Variants in NBR1 observed in about 807,000 individuals in gnomAD.
The protein encoded by NBR1 is NBR1 autophagy cargo receptor.
NBR1 carries 59 observed loss-of-function variants against 115.5 expected under a neutral mutation model. The observed-to-expected ratio is 0.51, with a 90% CI of 0.41 to 0.63. The LOEUF is 0.63. Ranked by LOEUF, NBR1 falls within the 30% of genes least tolerant of loss-of-function variation. The pLI is 0.00. For missense variants in NBR1, 1,043 were observed against 1,150.5 expected (o/e 0.91, Z 1.35); for synonymous variants, 373 against 414.7 (o/e 0.90, Z 1.22).
chr17:43,184,764 C>A (rs1024184358), intron 5 of NBR1, among the ~76,000 whole-genome samples: 8 of 151,848 alleles, frequency 5.3e-5, no homozygotes, highest in Non-Finnish European at 4.4e-5. Context: ...TTTTTGGAAA[C>A]CTGAGTTAAG....
At position 43,186,331 on chromosome 17, in the gene NBR1, G is replaced by C. The variant is rs374861614; in HGVS notation, c.289G>C (p.Val97Leu). Reference protein sequence around the residue: ...HVVDEAPPPVVGAKRLAARAG... With the variant: ...HVVDEAPPPVLGAKRLAARAG... ...CGTTGATGAAGCCCCACCCCCAGTT[G>C]TAGGAGCAAAACGACTAGCTGCCAG... is the stretch of plus-strand genomic sequence containing the variant. The change falls in exon 6 of 21, where the codon GTA becomes CTA. Residue 97 changes from valine (V) to leucine (L), a missense_variant. Coordinates refer to ENST00000590996, the MANE Select transcript of NBR1 (RefSeq NM_005899.5). The C allele has an allele frequency of 6.9e-6, 11 of 1,595,596 alleles. No homozygotes were observed. The highest frequency in any genetic ancestry group is 9.4e-6 in the Non-Finnish European group (11 of 1,171,006).
chr17:43,193,337 G>T lies in NBR1; in HGVS notation c.1234-11G>T. On this transcript the variant is annotated splice_polypyrimidine_tract_variant and intron_variant, in intron 11 of 20. Coordinates refer to ENST00000590996, the MANE Select transcript of NBR1 (RefSeq NM_005899.5). Reference sequence around the variant, plus strand: ...GACAAGCTTGCTTTCTCTTCTTACTGTTCTTTTCAGCTCAAGTTCATGTGG... The same window carrying T: ...GACAAGCTTGCTTTCTCTTCTTACTTTTCTTTTCAGCTCAAGTTCATGTGG... 6.2e-7 allele frequency: 1 copy of T among 1,613,128 alleles called. No individual in the cohort carries two copies. Among genetic ancestry groups the T allele is most frequent in the South Asian group, 1.1e-5 (1 of 91,082 alleles).
intron 19 of NBR1, 77 bp from the exon 20 acceptor site, chr17:43,203,604 G>T (rs2057250429): frequency 1.0e-5 from 9 of 868,716 alleles, no homozygotes; most frequent in Non-Finnish European, 1.6e-5. Context: ...TTATTCCAAG[G>T]ATTAGAGCCC....
intron 6 of NBR1, among the ~76,000 whole-genome samples, chr17:43,187,619 C>A (rs2056847908): frequency 6.7e-6 from 1 of 149,400 alleles, no homozygotes; most frequent in Admixed American, 6.8e-5. Context: ...CGTGATTCTC[C>A]TGCCTCAGCC....
At chr17:43,184,923 T>A (rs1450853852) in intron 5 of NBR1, among the ~76,000 whole-genome samples, 2 of 151,616 alleles carry the variant, frequency 1.3e-5, no homozygotes, top group Non-Finnish European at 2.9e-5. Flanking sequence ...ACCCCATCTC[T>A]ACTAAAAATA....
At chr17:43,184,358 C>A (rs930718737) in intron 5 of NBR1, among the ~76,000 whole-genome samples, 4 of 92,978 alleles carry the variant, frequency 4.3e-5, no homozygotes, top group Non-Finnish European at 9.9e-5. Context: ...CTCTCATCGC[C>A]CCAAAATACT....
chr17:43,184,392 G>A lies in NBR1; in HGVS notation c.208-1858G>A, dbSNP rs1425255530. Among the ~76,000 whole-genome samples the A allele has an allele frequency of 9.9e-3, 110 of 11,100 alleles. 1 individual carries two copies. In the Non-Finnish European group the frequency reaches 0.2, roughly 20 times the overall value. The allele number at this position is 11,100 out of a possible 152,430, so 7.3% of individuals were successfully genotyped here. A position where few individuals can be genotyped will look rare whatever the true frequency, so the allele number is the denominator to read the frequency against. ...CTATTCTTTTTTTTTTTGAGACAGA[G>A]TCTCACTTTGTTGCCCAAGCTAGAG... On this transcript the variant is annotated intron_variant, in intron 5 of 20. Transcript: ENST00000590996.
intron 1 of NBR1, among the ~76,000 whole-genome samples, chr17:43,173,968 G>A (rs1373530185): frequency 2.0e-5 from 3 of 151,950 alleles, no homozygotes; most frequent in East Asian, 3.9e-4. Context: ...CCAGTTAAAC[G>A]TAACCATTCA....
intron 20 of NBR1, among the ~76,000 whole-genome samples, chr17:43,204,491 G>A (rs945554052): frequency 2.0e-5 from 3 of 151,224 alleles, no homozygotes; most frequent in African/African-American, 7.3e-5. Flanking sequence ...GCAACATAGT[G>A]AGACCCCCAT....
chr17:43,201,583 GC>G, intron 17 of NBR1, 102 bp from the exon 18 acceptor site: 1 of 690,642 alleles, frequency 1.4e-6, no homozygotes, highest in Non-Finnish European at 2.6e-6. Context: ...GAAATGTGAA[GC>G]CTCTGTAGAG....
intron 3 of NBR1, among the ~76,000 whole-genome samples, chr17:43,178,766 A>AG (rs2056590819): frequency 6.7e-6 from 1 of 149,748 alleles, no homozygotes; most frequent in Admixed American, 6.7e-5. Flanking sequence ...ATAATGGCTA[A>AG]GCTTTTTTTT....
Position 43,200,113 on chromosome 17 carries a change from T to C in NBR1, c.2027-54T>C, listed in dbSNP as rs907767061. ...ACAAGGCTTTACCAAGTAAGGATAG[T>C]ACTTAGGCCTGCTTTTAGCTTCCAC... On this transcript the variant is annotated intron_variant, in intron 16 of 20. Transcript: ENST00000590996. 5 of 1,385,724 alleles carry C rather than the reference T, an allele frequency of 3.6e-6. No homozygotes were observed. The African/African-American group carries it at 5.7e-5, about 16-fold the overall frequency. The allele number at this position is 1,385,724 out of a possible 1,614,324, so 85.8% of individuals were successfully genotyped here.
intron 3 of NBR1, among the ~76,000 whole-genome samples, chr17:43,178,578 T>C (rs971043267): frequency 1.3e-5 from 2 of 151,704 alleles, no homozygotes; most frequent in African/African-American, 2.4e-5. Flanking sequence ...TATTTCACCA[T>C]GTTGGCCAAG....
chr17:43,194,947 A>G lies in NBR1; in HGVS notation c.1675-17A>G, dbSNP rs1346504361. 2 of 1,610,278 alleles carry G rather than the reference A, an allele frequency of 1.2e-6. No individual in the cohort carries two copies. The highest frequency in any genetic ancestry group is 2.2e-5 in the East Asian group (1 of 44,838). Reference sequence around the variant, plus strand: ...CAGCATGCACTCCAAACAGCCTAACATTGTCTTTTTTTATAGGACCTGCTG... The same window carrying G: ...CAGCATGCACTCCAAACAGCCTAACGTTGTCTTTTTTTATAGGACCTGCTG... On this transcript the variant is annotated splice_polypyrimidine_tract_variant and intron_variant, in intron 13 of 20. Transcript: ENST00000590996.
rs746541081 is a variant in NBR1, at chr17:43,186,247, T to C, written c.208-3T>C. On this transcript the variant is annotated splice_polypyrimidine_tract_variant and splice_region_variant and intron_variant, in intron 5 of 20. Transcript: ENST00000590996. Reference sequence around the variant, plus strand: ...GTTTTTGTTTCATAATGTATGCTCTTAGATGGCAGTTAAACAGGGAAACCA... The same window carrying C: ...GTTTTTGTTTCATAATGTATGCTCTCAGATGGCAGTTAAACAGGGAAACCA... 26 of 1,564,138 alleles carry C rather than the reference T, an allele frequency of 1.7e-5. No individual in the cohort carries two copies. The South Asian group carries it at 2.4e-4, about 14-fold the overall frequency.
Position 43,201,797 on chromosome 17 carries a change from G to C in NBR1, c.2563+17G>C. 1 of 1,416,136 alleles carries C rather than the reference G, an allele frequency of 7.1e-7. No individual in the cohort carries two copies. The highest frequency in any genetic ancestry group is 1.2e-5 in the South Asian group (1 of 85,472). The allele number at this position is 1,416,136 out of a possible 1,614,324, so 87.7% of individuals were successfully genotyped here. ...TCAGAGGAGGTAATGATCAGCCTAA[G>C]CTTTTTCTCTTTTTCTCTGCTCCTG... is the stretch of plus-strand genomic sequence containing the variant. On this transcript the variant is annotated intron_variant, in intron 18 of 20. Coordinates refer to ENST00000590996, the MANE Select transcript of NBR1 (RefSeq NM_005899.5).
At chr17:43,174,931 C>G (rs1377439261) in intron 1 of NBR1, among the ~76,000 whole-genome samples, 2 of 134,454 alleles carry the variant, frequency 1.5e-5, no homozygotes, top group South Asian at 4.6e-4. Flanking sequence ...CCGTCCCTAC[C>G]AAAAATACAA....
At chr17:43,204,380 C>T (rs9747601) in intron 20 of NBR1, among the ~76,000 whole-genome samples, 3,589 of 152,116 alleles carry the variant, frequency 0.024, 155 homozygotes, top group African/African-American at 0.08. Flanking sequence ...AATAAAACAC[C>T]AGTTCTTGGC....
At chr17:43,202,743 A>G in intron 19 of NBR1, 31 bp downstream of exon 19, 1 of 1,520,304 alleles carries the variant, frequency 6.6e-7, no homozygotes, top group Non-Finnish European at 8.9e-7. Context: ...CTTTTTTCAG[A>G]AGCAGGTGGA....
Sources: allele counts gnomAD v4.1 joint callset (sites outside exome capture counted in the v4.1 genomes callset), GRCh38; gene constraint gnomAD v4.1.1; transcripts MANE v1.5; gene names NCBI Gene and HGNC (gene_info 2026-07-23, HGNC 2026-07-21).